The following UNC5D variants were observed in gnomAD, a reference collection of about 807,000 sequenced individuals.
The protein encoded by UNC5D is unc-5 netrin receptor D.
A neutral mutation model predicts 105.4 loss-of-function variants in UNC5D; 39 were observed. The ratio of observed to expected loss-of-function variants is 0.37; its 90% CI spans 0.29 to 0.48. The LOEUF (loss-of-function observed/expected upper bound fraction) is 0.48. Ranked by LOEUF, UNC5D falls within the 20% of genes least tolerant of loss-of-function variation. UNC5D has a pLI of 0.98. For synonymous variants in UNC5D, 452 were observed against 450.4 expected (o/e 1.00, Z -0.04); for missense variants, 991 against 1,202.4 (o/e 0.82, Z 2.60).
At chr8:35,267,645 G>A (rs898034123) in intron 1 of UNC5D, among the ~76,000 whole-genome samples, 1 of 152,050 alleles carries the variant, frequency 6.6e-6, no homozygotes, top group African/African-American at 2.4e-5. Context: ...CACCATGTTG[G>A]CCAGGCTGGT....
At chr8:35,443,961 T>C (rs915742035) in intron 1 of UNC5D, among the ~76,000 whole-genome samples, 16 of 152,110 alleles carry the variant, frequency 1.1e-4, no homozygotes, top group Admixed American at 3.9e-4. Flanking sequence ...ATTTATGATA[T>C]TTATTGTAAG....
intron 1 of UNC5D, among the ~76,000 whole-genome samples, chr8:35,384,508 C>T (rs914093237): frequency 2.6e-5 from 4 of 152,148 alleles, no homozygotes; most frequent in Non-Finnish European, 4.4e-5. Flanking sequence ...TGTAAAAGAG[C>T]CTTCTGTTGT....
chr8:35,318,147 T>C (rs1389318151), intron 1 of UNC5D, among the ~76,000 whole-genome samples: 9 of 152,110 alleles, frequency 5.9e-5, no homozygotes, highest in African/African-American at 1.9e-4. Context: ...ACTGTATCAC[T>C]TTCCTGTCAT....
intron 1 of UNC5D, among the ~76,000 whole-genome samples, chr8:35,483,262 AT>A (rs570066194): frequency 6.6e-6 from 1 of 152,168 alleles, no homozygotes; most frequent in Non-Finnish European, 1.5e-5. Flanking sequence ...TTGTGGACAA[AT>A]TAGATTCTGA....
intron 14 of UNC5D, among the ~76,000 whole-genome samples, chr8:35,760,321 A>G (rs59159114): frequency 0.075 from 11,399 of 151,862 alleles, 1,171 homozygotes; most frequent in African/African-American, 0.23. Context: ...GGGATTACAG[A>G]TGTGAGCCAC....
intron 1 of UNC5D, 35 bp from the exon 2 acceptor site, chr8:35,549,257 T>C (rs772507759): frequency 2.5e-6 from 4 of 1,605,572 alleles, no homozygotes; most frequent in South Asian, 1.1e-5. Context: ...GCTATCAATG[T>C]AGGCTGTGTT....
intron 7 of UNC5D, among the ~76,000 whole-genome samples, chr8:35,692,886 T>C (rs1261395916): frequency 6.6e-6 from 1 of 152,242 alleles, no homozygotes; most frequent in Non-Finnish European, 1.5e-5. Context: ...AGCTTGCCTT[T>C]CTGCATAACA....
chr8:35,375,532 T>C (rs968352153), intron 1 of UNC5D, among the ~76,000 whole-genome samples: 2 of 146,544 alleles, frequency 1.4e-5, no homozygotes, highest in Admixed American at 1.4e-4. Flanking sequence ...TGCTCAGTGA[T>C]GGCAAACCAA....
intron 1 of UNC5D, among the ~76,000 whole-genome samples, chr8:35,397,193 A>G (rs1449597280): frequency 6.6e-6 from 1 of 152,212 alleles, no homozygotes; most frequent in Non-Finnish European, 1.5e-5. Context: ...GGTGTGAGCC[A>G]CCACGCCCAG....
At position 35,794,065 on chromosome 8, in the gene UNC5D, T is replaced by C. The variant is rs1803162405; in HGVS notation, c.*3502T>C. The C allele has an allele frequency of 6.6e-6, 1 of 152,188 alleles. No homozygotes were observed. Among genetic ancestry groups the C allele is most frequent in the South Asian group, 2.1e-4 (1 of 4,836 alleles). The allele number at this position is 152,188 out of a possible 1,614,324, so 9.4% of individuals were successfully genotyped here. ...AGGATTGATAAACAAATGTAGATGA[T>C]TAAAATAGGATAATTGGTTTTAGAT... is the stretch of plus-strand genomic sequence containing the variant. On this transcript the variant is annotated 3_prime_UTR_variant, in exon 17 of 17. Coordinates refer to ENST00000404895, the MANE Select transcript of UNC5D (RefSeq NM_080872.4).
In UNC5D at chr8:35,750,602, T is replaced by C. The variant is rs1830226549; in HGVS notation, c.1956T>C (p.Asp652=). 6.2e-6 allele frequency: 10 copies of C among 1,614,148 alleles called. No individual in the cohort carries two copies. The highest frequency in any genetic ancestry group is 1.1e-5 in the South Asian group (1 of 91,082). Residue 652 remains aspartate, a synonymous_variant, in exon 13 of 17, where the codon GAT becomes GAC. Transcript: ENST00000404895. ...GKWEEVMSVE[D]ESTSCYCLLD... is the part of the protein sequence containing the mutation. Reference sequence around the variant, plus strand: ...AACAGGAAGTGATGTCAGTGGAAGATGAATCTACATCCTGTTACTGCCTTT... The same window carrying C: ...AACAGGAAGTGATGTCAGTGGAAGACGAATCTACATCCTGTTACTGCCTTT...
chr8:35,393,478 C>T (rs1156901846), intron 1 of UNC5D, among the ~76,000 whole-genome samples: 2 of 151,864 alleles, frequency 1.3e-5, no homozygotes. Context: ...TTTCACTTGT[C>T]ACAATACTAT....
chr8:35,235,743 G>C lies in UNC5D; in HGVS notation c.-42G>C. ...ATCGCCGACCCTTTCCCGGGCTCCC[G>C]GAGCGTGAAGAAGAGCCGCCCTCCG... On this transcript the variant is annotated 5_prime_UTR_variant, in exon 1 of 17. Coordinates refer to ENST00000404895, the MANE Select transcript of UNC5D (RefSeq NM_080872.4). 8.2e-7 allele frequency: 1 copy of C among 1,224,346 alleles called. No individual in the cohort carries two copies. The highest frequency in any genetic ancestry group is 1.0e-6 in the Non-Finnish European group (1 of 981,136). 75.8% of individuals were successfully genotyped at this position (1,224,346 alleles called of 1,614,324 possible).
intron 1 of UNC5D, among the ~76,000 whole-genome samples, chr8:35,383,300 C>A (rs1272196744): frequency 6.6e-6 from 1 of 151,974 alleles, no homozygotes; most frequent in Non-Finnish European, 1.5e-5. Flanking sequence ...CCATCACAGA[C>A]AAATATTCTA....
At chr8:35,406,455 C>T (rs1270731602) in intron 1 of UNC5D, among the ~76,000 whole-genome samples, 2 of 152,116 alleles carry the variant, frequency 1.3e-5, no homozygotes, top group South Asian at 2.1e-4. Context: ...CATGATTAAA[C>T]TTAGCTACCT....
intron 1 of UNC5D, among the ~76,000 whole-genome samples, chr8:35,245,996 C>A (rs867438981): frequency 3.9e-5 from 6 of 152,178 alleles, no homozygotes; most frequent in African/African-American, 1.2e-4. Context: ...TCCCATCTAA[C>A]CCCCTATGCT....
intron 1 of UNC5D, among the ~76,000 whole-genome samples, chr8:35,379,153 T>A (rs1802878826): frequency 6.6e-6 from 1 of 152,168 alleles, no homozygotes; most frequent in African/African-American, 2.4e-5. Flanking sequence ...AGCTGAGGAA[T>A]GAATAAAAAT....
chr8:35,731,556 A>G (rs1462389534), intron 11 of UNC5D, among the ~76,000 whole-genome samples: 1 of 152,114 alleles, frequency 6.6e-6, no homozygotes, highest in African/African-American at 2.4e-5. Flanking sequence ...AAACAATTGC[A>G]AAACTACTGG....
At chr8:35,274,370 A>G (rs1805628185) in intron 1 of UNC5D, among the ~76,000 whole-genome samples, 1 of 152,210 alleles carries the variant, frequency 6.6e-6, no homozygotes, top group Non-Finnish European at 1.5e-5. Flanking sequence ...TCGTGTTCTA[A>G]GAGACTAAAC....
Sources: allele counts gnomAD v4.1 joint callset (sites outside exome capture counted in the v4.1 genomes callset), GRCh38; gene constraint gnomAD v4.1.1; transcripts MANE v1.5; gene names NCBI Gene and HGNC (gene_info 2026-07-23, HGNC 2026-07-21).